The following EXOC6B variants were observed in gnomAD, a reference collection of about 807,000 sequenced individuals.
EXOC6B encodes the protein exocyst complex component 6B, also known as SEC15 homolog B.
A neutral mutation model predicts 113.5 loss-of-function variants in EXOC6B; 54 were observed. The observed-to-expected ratio is 0.48, with a 90% CI of 0.38 to 0.60. The LOEUF (loss-of-function observed/expected upper bound fraction) is 0.60. Ranked by LOEUF, EXOC6B falls within the 20% of genes least tolerant of loss-of-function variation. EXOC6B has a pLI of 0.00. For synonymous variants in EXOC6B, 357 were observed against 339.0 expected (o/e 1.05, Z -0.58); for missense variants, 797 against 977.5 (o/e 0.82, Z 2.46).
intron 18 of EXOC6B, among the ~76,000 whole-genome samples, chr2:72,401,463 TA>T (rs1197009269): frequency 1.2e-4 from 14 of 118,736 alleles, no homozygotes; most frequent in South Asian, 2.6e-4. Flanking sequence ...ACTCCGTATT[TA>T]AAAAAAAAAC....
At chr2:72,420,854 C>T (rs748937443) in intron 18 of EXOC6B, among the ~76,000 whole-genome samples, 1 of 152,218 alleles carries the variant, frequency 6.6e-6, no homozygotes, top group Non-Finnish European at 1.5e-5. Flanking sequence ...CTCCCACCAA[C>T]AACGTAAAAG....
chr2:72,567,507 AT>A (rs1022220068), intron 7 of EXOC6B, among the ~76,000 whole-genome samples: 6 of 151,900 alleles, frequency 3.9e-5, no homozygotes, highest in Non-Finnish European at 7.4e-5. Context: ...CTCGTGATTT[AT>A]TTTTTTTAAG....
rs557911182 is a variant in EXOC6B, at chr2:72,409,949, C to T, written c.1981-30079G>A. Reference sequence around the variant, plus strand: ...CTCCCTTTGGAACTAATAACAGGGTCCCACAATGAGAACATGGGATGCCGT... The same window carrying T: ...CTCCCTTTGGAACTAATAACAGGGTTCCACAATGAGAACATGGGATGCCGT... On this transcript the variant is annotated intron_variant, in intron 18 of 21. Coordinates refer to ENST00000272427, the MANE Select transcript of EXOC6B (RefSeq NM_015189.3). 1.2e-4 allele frequency among the ~76,000 whole-genome samples: 18 copies of T among 152,194 alleles called. No individual in the cohort carries two copies. The South Asian group carries it at 1.2e-3, about 11-fold the overall frequency.
intron 16 of EXOC6B, among the ~76,000 whole-genome samples, chr2:72,487,437 T>C (rs1390981721): frequency 6.6e-6 from 1 of 152,192 alleles, no homozygotes; most frequent in Non-Finnish European, 1.5e-5. Flanking sequence ...CTCGGCTCAC[T>C]GCAACCTCCA....
At chr2:72,354,940 C>G (rs2104957896) in intron 19 of EXOC6B, among the ~76,000 whole-genome samples, 1 of 152,318 alleles carries the variant, frequency 6.6e-6, no homozygotes, top group African/African-American at 2.4e-5. Context: ...AGGATCCAAA[C>G]TCAATCCTGC....
At chr2:72,401,655 A>ATGTG (rs1294355226) in intron 18 of EXOC6B, among the ~76,000 whole-genome samples, 2 of 76,178 alleles carry the variant, frequency 2.6e-5, no homozygotes, top group Non-Finnish European at 4.3e-5. Flanking sequence ...ACATATATAT[A>ATGTG]TATATATATA....
At chr2:72,365,192 G>C (rs1459360687) in intron 19 of EXOC6B, among the ~76,000 whole-genome samples, 1 of 151,724 alleles carries the variant, frequency 6.6e-6, no homozygotes, top group Non-Finnish European at 1.5e-5. Flanking sequence ...TTTTCTTCCT[G>C]TACTTTTCTT....
chr2:72,460,428 A>G (rs369612161), intron 18 of EXOC6B, among the ~76,000 whole-genome samples: 6 of 151,686 alleles, frequency 4.0e-5, no homozygotes, highest in Non-Finnish European at 7.4e-5. Context: ...GCAACCTACA[A>G]AATGGGAGAA....
chr2:72,519,552 T>A (rs1701383645), intron 8 of EXOC6B, among the ~76,000 whole-genome samples: 1 of 152,146 alleles, frequency 6.6e-6, no homozygotes, highest in Non-Finnish European at 1.5e-5. Context: ...GCAGAAACAC[T>A]CATAAATCAA....
chr2:72,492,339 C>A lies in EXOC6B; in HGVS notation c.1644G>T (p.Arg548Ser). The change falls in exon 16 of 22, where the codon AGG (arginine) becomes AGT (serine). Residue 548 changes from arginine (R) to serine (S), a missense_variant. Transcript: ENST00000272427. ...LSNSLQNVIK[R>S]KNIGLTELVQ... ...TTACCTCAGTAAGCCCAATATTCTT[C>A]CTTTTAATTACATTCTGCAGAGAGT... is the stretch of plus-strand genomic sequence containing the variant. 6.2e-7 allele frequency: 1 copy of A among 1,612,138 alleles called. No homozygotes were observed. Among genetic ancestry groups the A allele is most frequent in the South Asian group, 1.1e-5 (1 of 90,976 alleles).
chr2:72,228,134 C>T (rs918732553), intron 20 of EXOC6B, among the ~76,000 whole-genome samples: 2 of 151,986 alleles, frequency 1.3e-5, no homozygotes, highest in African/African-American at 4.8e-5. Flanking sequence ...CAAAGGGAAG[C>T]GATCAAAAGT....
chr2:72,611,302 G>A (rs1342686166), intron 6 of EXOC6B, among the ~76,000 whole-genome samples: 7 of 151,444 alleles, frequency 4.6e-5, no homozygotes, highest in South Asian at 2.1e-4. Context: ...AGGCGGCAGC[G>A]AGCCGAGATC....
At chr2:72,341,355 A>G (rs1689024484) in intron 19 of EXOC6B, among the ~76,000 whole-genome samples, 1 of 152,184 alleles carries the variant, frequency 6.6e-6, no homozygotes, top group Non-Finnish European at 1.5e-5. Flanking sequence ...ACTAGTATCC[A>G]GAACATGTAA....
intron 8 of EXOC6B, among the ~76,000 whole-genome samples, chr2:72,558,985 G>A (rs550192626): frequency 6.6e-6 from 1 of 152,204 alleles, no homozygotes; most frequent in East Asian, 1.9e-4. Flanking sequence ...CTGCATGTGA[G>A]TGTACTACCA....
intron 20 of EXOC6B, among the ~76,000 whole-genome samples, chr2:72,259,030 C>T (rs1683536333): frequency 6.6e-6 from 1 of 152,178 alleles, no homozygotes; most frequent in African/African-American, 2.4e-5. Flanking sequence ...TACTTGCTTA[C>T]AGTTCTACTT....
intron 1 of EXOC6B, among the ~76,000 whole-genome samples, chr2:72,742,580 T>C (rs1681397151): frequency 6.6e-6 from 1 of 152,194 alleles, no homozygotes. Flanking sequence ...GTACTCCACC[T>C]AATAGCAGCA....
chr2:72,519,444 AT>A (rs2105707844), intron 8 of EXOC6B, among the ~76,000 whole-genome samples: 1 of 152,308 alleles, frequency 6.6e-6, no homozygotes, highest in East Asian at 1.9e-4. Flanking sequence ...GAAAACCAAC[AT>A]GGTAGATAAA....
At chr2:72,650,376 C>T (rs1205259183) in intron 6 of EXOC6B, among the ~76,000 whole-genome samples, 1 of 152,054 alleles carries the variant, frequency 6.6e-6, no homozygotes, top group Non-Finnish European at 1.5e-5. Context: ...CAGAGGCAGG[C>T]GGATCACGAG....
intron 1 of EXOC6B, among the ~76,000 whole-genome samples, chr2:72,823,894 T>C (rs1273246291): frequency 6.6e-6 from 1 of 152,218 alleles, no homozygotes; most frequent in Non-Finnish European, 1.5e-5. Context: ...ATTTACATTA[T>C]ATTTGGTATT....
Sources: gnomAD v4.1 joint callset for allele counts (sites outside exome capture counted in the v4.1 genomes callset) on GRCh38, gnomAD v4.1.1 for gene constraint, MANE v1.5 for transcripts, NCBI Gene and HGNC (gene_info 2026-07-23, HGNC 2026-07-21) for gene names.